NHS: variants seen among roughly 807,000 people sequenced by gnomAD.
NHS encodes actin remodeling regulator NHS.
NHS carries 5 observed loss-of-function variants against 72.5 expected under a neutral mutation model. That is an observed-to-expected ratio of 0.07 (90% CI 0.04 to 0.14). The LOEUF (loss-of-function observed/expected upper bound fraction) is 0.14, where lower values mean the gene tolerates loss of function less well. NHS is among the 10% of genes least tolerant of loss of function. NHS has a pLI of 1.00. For synonymous variants in NHS, 464 were observed against 547.7 expected, an observed-to-expected ratio of 0.85 and a Z score of 2.13; for missense variants, 1,072 against 1,355.7, an observed-to-expected ratio of 0.79 and a Z score of 3.29.
In NHS at chrX:17,376,480, AC is replaced by A. The variant is rs1379930723; in HGVS notation, c.565+162del. Reference sequence around the variant, plus strand: ...CCACCCTTCCCATCCCCTGGGACCCACCCCAATCCTCCTGGGGCTGAGTGGC... The same window carrying A: ...CCACCCTTCCCATCCCCTGGGACCCACCCAATCCTCCTGGGGCTGAGTGGC... On this transcript the variant is annotated intron_variant, in intron 1 of 8. Coordinates refer to ENST00000676302, the MANE Select transcript of NHS (RefSeq NM_001291867.2). Among the ~76,000 whole-genome samples the A allele has an allele frequency of 4.5e-5, 5 of 111,229 alleles. No individual in the cohort carries two copies. In the Admixed American group the frequency reaches 4.7e-4, roughly 10 times the overall value.
At chrX:17,635,332 C>T in intron 1 of NHS, 1 of 1,091,243 alleles carries the variant, frequency 9.2e-7, no homozygotes. Context: ...GGATTAGCAG[C>T]CAGCCTAGCA....
chrX:17,434,735 G>A (rs1180965613), intron 1 of NHS, among the ~76,000 whole-genome samples: 1 of 111,255 alleles, frequency 9.0e-6, no homozygotes, highest in East Asian at 2.8e-4. Context: ...GAGCCACCAC[G>A]CCCGGCCTCA....
chrX:17,421,552 T>A (rs2064623730), intron 1 of NHS, among the ~76,000 whole-genome samples: 1 of 111,357 alleles, frequency 9.0e-6, no homozygotes, highest in Non-Finnish European at 1.9e-5. Context: ...GGCTGATTTT[T>A]TCTTTTTTGT....
At chrX:17,686,156 A>G (rs1225716308) in intron 1 of NHS, among the ~76,000 whole-genome samples, 1 of 112,564 alleles carries the variant, frequency 8.9e-6, no homozygotes, top group Non-Finnish European at 1.9e-5. Flanking sequence ...ATAACTTTTC[A>G]TGTAATATAG....
chrX:17,617,798 C>T (rs1401607484), intron 1 of NHS, among the ~76,000 whole-genome samples: 2 of 112,328 alleles, frequency 1.8e-5, no homozygotes, highest in Non-Finnish European at 3.8e-5. Context: ...GAAACAGGTG[C>T]AGTCTCTCTT....
intron 1 of NHS, among the ~76,000 whole-genome samples, chrX:17,437,241 C>T (rs974977727): frequency 7.2e-5 from 8 of 111,520 alleles, no homozygotes; most frequent in African/African-American, 2.6e-4. Flanking sequence ...TCTTGTTGCC[C>T]TCCCCTCCTG....
chrX:17,653,413 C>CTTTTT (rs2065939279), intron 1 of NHS, among the ~76,000 whole-genome samples: 1 of 108,157 alleles, frequency 9.2e-6, no homozygotes, highest in South Asian at 4.0e-4. Flanking sequence ...GTTTTCTTTT[C>CTTTTT]TTTTCTTTTT....
At chrX:17,397,067 G>C (rs1406777467) in intron 1 of NHS, among the ~76,000 whole-genome samples, 2 of 112,816 alleles carry the variant, frequency 1.8e-5, no homozygotes, top group African/African-American at 6.4e-5. Flanking sequence ...TAAATGGAAG[G>C]TAGTCATTAA....
intron 1 of NHS, among the ~76,000 whole-genome samples, chrX:17,498,605 A>G (rs999242317): frequency 9.0e-6 from 1 of 111,434 alleles, no homozygotes; most frequent in Non-Finnish European, 1.9e-5. Context: ...AAAATGACAC[A>G]AGCCTTGTTG....
At chrX:17,632,167 G>A (rs1190170347) in intron 1 of NHS, among the ~76,000 whole-genome samples, 4 of 111,550 alleles carry the variant, frequency 3.6e-5, no homozygotes, top group Non-Finnish European at 3.8e-5. Context: ...AATGTGGAAG[G>A]TTCACTAAGA....
At chrX:17,671,101 T>C (rs1224093048) in intron 1 of NHS, among the ~76,000 whole-genome samples, 1 of 112,241 alleles carries the variant, frequency 8.9e-6, no homozygotes, top group Non-Finnish European at 1.9e-5. Flanking sequence ...CCTAATGCAC[T>C]GCCTGAGGAT....
At chrX:17,478,673 C>G (rs2064932158) in intron 1 of NHS, among the ~76,000 whole-genome samples, 1 of 111,481 alleles carries the variant, frequency 9.0e-6, no homozygotes, top group Non-Finnish European at 1.9e-5. Context: ...ACCTTCCCCT[C>G]TTCTCAAGCT....
chrX:17,628,001 G>A (rs911010895), intron 1 of NHS, among the ~76,000 whole-genome samples: 4 of 112,868 alleles, frequency 3.5e-5, no homozygotes, highest in African/African-American at 1.3e-4. Context: ...ATATGTTGTG[G>A]AATGAAAGTT....
At chrX:17,456,398 A>G (rs1392570872) in intron 1 of NHS, among the ~76,000 whole-genome samples, 2 of 111,867 alleles carry the variant, frequency 1.8e-5, no homozygotes, top group Non-Finnish European at 3.8e-5. Flanking sequence ...TGAGATTTCA[A>G]ACAGGACAAG....
chrX:17,451,669 C>G (rs185085953), intron 1 of NHS, among the ~76,000 whole-genome samples: 1 of 111,837 alleles, frequency 8.9e-6, no homozygotes, highest in East Asian at 2.8e-4. Flanking sequence ...ATTCTCCCCC[C>G]AAATGGTCTA....
intron 1 of NHS, among the ~76,000 whole-genome samples, chrX:17,429,114 A>T (rs1313171095): frequency 1.8e-5 from 2 of 111,424 alleles, no homozygotes; most frequent in Admixed American, 9.5e-5. Flanking sequence ...ATGGCAAGCA[A>T]CTTCCAATGT....
At position 17,656,392 on chromosome X, in the gene NHS, G is replaced by A. The variant is rs764448021; in HGVS notation, c.566-31350G>A. Reference sequence around the variant, plus strand: ...GTGTGAGATGGGACCAGCCTGGGGGGAGGGGGTATGGGCAAGTGACATCAT... The same window carrying A: ...GTGTGAGATGGGACCAGCCTGGGGGAAGGGGGTATGGGCAAGTGACATCAT... On this transcript the variant is annotated intron_variant, in intron 1 of 8. Transcript: ENST00000676302. Among the ~76,000 whole-genome samples the A allele has an allele frequency of 7.1e-5, 8 of 113,251 alleles. No homozygotes were observed. In the South Asian group the frequency reaches 2.9e-3, roughly 41 times the overall value.
intron 1 of NHS, among the ~76,000 whole-genome samples, chrX:17,459,570 C>G (rs762039830): frequency 8.9e-6 from 1 of 112,277 alleles, no homozygotes; most frequent in East Asian, 2.8e-4. Flanking sequence ...CAGAGCCTTG[C>G]TGTAAATCTA....
Position 17,404,146 on chromosome X carries a change from G to A in NHS, c.565+27824G>A, listed in dbSNP as rs192355487. On this transcript the variant is annotated intron_variant, in intron 1 of 8. Transcript: ENST00000676302. Reference sequence around the variant, plus strand: ...ATGTTTAATGGGCATTGTTTATAAGGAGTATAAGACGGAATAGTATAGCCT... The same window carrying A: ...ATGTTTAATGGGCATTGTTTATAAGAAGTATAAGACGGAATAGTATAGCCT... Among the ~76,000 whole-genome samples the A allele has an allele frequency of 2.9e-3, 326 of 112,092 alleles. 1 individual carries two copies. Among genetic ancestry groups the A allele is most frequent in the African/African-American group, 0.01 (318 of 30,837 alleles).
Sources: gnomAD v4.1 joint callset for allele counts (sites outside exome capture counted in the v4.1 genomes callset) on GRCh38, gnomAD v4.1.1 for gene constraint, MANE v1.5 for transcripts, NCBI Gene and HGNC (gene_info 2026-07-23, HGNC 2026-07-21) for gene names.